PDE1C: variants seen among roughly 807,000 people sequenced by gnomAD.
PDE1C encodes the protein dual specificity calcium/calmodulin-dependent 3',5'-cyclic nucleotide phosphodiesterase 1C.
PDE1C carries 62 observed loss-of-function variants against 93.1 expected under a neutral mutation model. The observed-to-expected ratio is 0.67, with a 90% CI of 0.54 to 0.82. The LOEUF is 0.82. Among genes scored for constraint, PDE1C ranks in the 40% least tolerant of loss-of-function variants. The probability of loss-of-function intolerance (pLI) is 0.00; values close to 1 mark genes in which losing one functional copy is unlikely to be tolerated. For missense variants in PDE1C, 742 were observed against 884.6 expected, an observed-to-expected ratio of 0.84 and a Z score of 2.04; for synonymous variants, 325 against 310.1, an observed-to-expected ratio of 1.05 and a Z score of -0.50.
the PDE1C span, among the ~76,000 whole-genome samples, chr7:31,650,667 T>TA: frequency 6.6e-6 from 1 of 152,148 alleles, no homozygotes; most frequent in African/African-American, 2.4e-5. Context: ...GGACTAAGAC[T>TA]AATAAACATT....
chr7:32,221,460 T>C (rs1224403677), intron 1 of PDE1C, among the ~76,000 whole-genome samples: 1 of 152,146 alleles, frequency 6.6e-6, no homozygotes, highest in Non-Finnish European at 1.5e-5. Flanking sequence ...ATCTCAGACA[T>C]GGCCATGCCT....
chr7:32,202,751 A>T (rs1246331164), intron 2 of PDE1C, among the ~76,000 whole-genome samples: 4 of 152,180 alleles, frequency 2.6e-5, no homozygotes, highest in Non-Finnish European at 1.5e-5. Context: ...GAGGATGATT[A>T]TAAGTGTAGA....
the PDE1C span, chr7:31,651,237 C>G: frequency 1.2e-6 from 2 of 1,613,446 alleles, no homozygotes; most frequent in Non-Finnish European, 1.7e-6. Context: ...GACAGCAGGC[C>G]CTCTTTTCCA....
At chr7:31,890,841 G>A (rs140669050) in intron 2 of PDE1C, among the ~76,000 whole-genome samples, 2 of 151,766 alleles carry the variant, frequency 1.3e-5, no homozygotes, top group Admixed American at 6.5e-5. Flanking sequence ...AAAGAAAACC[G>A]TGAGAAACCT....
the PDE1C span, chr7:31,652,801 G>A: frequency 6.2e-7 from 1 of 1,613,356 alleles, no homozygotes; most frequent in Non-Finnish European, 8.5e-7. Flanking sequence ...TGTCCTGTTG[G>A]AGAAAAGGAT....
At chr7:31,790,781 C>T (rs982558791) in intron 16 of PDE1C, among the ~76,000 whole-genome samples, 5 of 152,100 alleles carry the variant, frequency 3.3e-5, no homozygotes, top group South Asian at 2.1e-4. Context: ...GAGTTCTCCA[C>T]TGGACCCAGA....
intron 2 of PDE1C, among the ~76,000 whole-genome samples, chr7:31,937,865 CACT>C (rs1805304797): frequency 6.6e-6 from 1 of 152,090 alleles, no homozygotes; most frequent in Admixed American, 6.6e-5. Context: ...CAAGGTTTTT[CACT>C]ACAAAATAGT....
chr7:32,215,858 A>C (rs1014885657), intron 1 of PDE1C, among the ~76,000 whole-genome samples: 2 of 152,218 alleles, frequency 1.3e-5, no homozygotes, highest in African/African-American at 4.8e-5. Flanking sequence ...ACACACAGTG[A>C]GCAGCAGACC....
chr7:31,709,438 G>T, the PDE1C span, among the ~76,000 whole-genome samples: 2 of 152,170 alleles, frequency 1.3e-5, no homozygotes, highest in Non-Finnish European at 2.9e-5. Flanking sequence ...CTGTAACATA[G>T]GATAATTTAA....
At chr7:32,161,444 A>G (rs989317202) in intron 3 of PDE1C, among the ~76,000 whole-genome samples, 5 of 152,030 alleles carry the variant, frequency 3.3e-5, no homozygotes, top group African/African-American at 4.8e-5. Flanking sequence ...TCTATTGAAA[A>G]TCTCTTCCCT....
chr7:31,938,358 T>C (rs1382015981), intron 2 of PDE1C, among the ~76,000 whole-genome samples: 1 of 151,130 alleles, frequency 6.6e-6, no homozygotes, highest in Non-Finnish European at 1.5e-5. Flanking sequence ...TTCCAAATAA[T>C]TTATCTGCAG....
chr7:32,142,333 A>G (rs1017603935), intron 3 of PDE1C, among the ~76,000 whole-genome samples: 1 of 152,158 alleles, frequency 6.6e-6, no homozygotes, highest in African/African-American at 2.4e-5. Flanking sequence ...AGCAGAACAT[A>G]GTGAGTGCAG....
At chr7:32,392,808 T>C (rs1423234393) in intron 1 of PDE1C, among the ~76,000 whole-genome samples, 3 of 151,936 alleles carry the variant, frequency 2.0e-5, no homozygotes, top group Non-Finnish European at 4.4e-5. Flanking sequence ...CCAAGCACTT[T>C]GGGAGGCTGA....
At chr7:31,696,210 T>C in the PDE1C span, 1 of 152,266 alleles carries the variant, frequency 6.6e-6, no homozygotes, top group East Asian at 1.9e-4. Context: ...TTTTGCCTTG[T>C]TTTGCTTTCT....
At chr7:32,036,768 G>A (rs1033951305) in intron 2 of PDE1C, among the ~76,000 whole-genome samples, 1 of 152,140 alleles carries the variant, frequency 6.6e-6, no homozygotes, top group South Asian at 2.1e-4. Flanking sequence ...TAGAAACTCT[G>A]AATATCCCTA....
At chr7:32,070,667 G>A (rs1795946214), upstream of PDE1C, 10 of 1,333,264 alleles carry the variant, frequency 7.5e-6, no homozygotes, top group Non-Finnish European at 9.6e-6. Context: ...TAGGGATAGA[G>A]ATAGGGATTG....
At chr7:32,250,139 C>A (rs1809257441) in intron 1 of PDE1C, among the ~76,000 whole-genome samples, 1 of 152,150 alleles carries the variant, frequency 6.6e-6, no homozygotes, top group Non-Finnish European at 1.5e-5. Context: ...AGTAATGACA[C>A]AAGAGCTCCC....
At chr7:31,917,183 C>G (rs1384414620) in intron 2 of PDE1C, among the ~76,000 whole-genome samples, 1 of 152,114 alleles carries the variant, frequency 6.6e-6, no homozygotes, top group Non-Finnish European at 1.5e-5. Context: ...AATATCACCA[C>G]AAGATAAACA....
At chr7:32,179,486 C>G (rs1214518571) in intron 2 of PDE1C, among the ~76,000 whole-genome samples, 2 of 152,054 alleles carry the variant, frequency 1.3e-5, no homozygotes, top group South Asian at 2.1e-4. Context: ...GTCTCAAACT[C>G]CTGACCTCGT....
Sources: allele counts gnomAD v4.1 joint callset (sites outside exome capture counted in the v4.1 genomes callset), GRCh38; gene constraint gnomAD v4.1.1; transcripts MANE v1.5; gene names NCBI Gene and HGNC (gene_info 2026-07-23, HGNC 2026-07-21).